RORA: variants seen among roughly 807,000 people sequenced by gnomAD.
The protein encoded by RORA is nuclear receptor ROR-alpha.
RORA carries 7 observed loss-of-function variants against 69.5 expected under a neutral mutation model. The observed-to-expected ratio is 0.10, with a 90% confidence interval of 0.06 to 0.19. RORA has a LOEUF of 0.19. Ranked by LOEUF, RORA falls within the 10% of genes least tolerant of loss-of-function variation. The pLI is 1.00. For synonymous variants in RORA, 261 were observed against 240.8 expected, an observed-to-expected ratio of 1.08 and a Z score of -0.78; for missense variants, 457 against 663.0, an observed-to-expected ratio of 0.69 and a Z score of 3.41.
intron 1 of RORA, among the ~76,000 whole-genome samples, chr15:60,973,015 A>G (rs1412711461): frequency 1.3e-5 from 2 of 151,738 alleles, no homozygotes; most frequent in African/African-American, 2.4e-5. Flanking sequence ...AAAACAATCA[A>G]TGAGGGGCAA....
intron 1 of RORA, among the ~76,000 whole-genome samples, chr15:61,022,858 G>A (rs1255738695): frequency 1.3e-5 from 2 of 152,038 alleles, no homozygotes; most frequent in Non-Finnish European, 2.9e-5. Context: ...GAGATGCAGG[G>A]AGGCAGCAGT....
At chr15:60,864,104 C>T (rs1261026623) in intron 1 of RORA, among the ~76,000 whole-genome samples, 1 of 152,174 alleles carries the variant, frequency 6.6e-6, no homozygotes, top group Non-Finnish European at 1.5e-5. Flanking sequence ...TGTGCCCAGC[C>T]CTCAGAATCA....
intron 1 of RORA, among the ~76,000 whole-genome samples, chr15:60,692,208 G>C (rs748586268): frequency 3.3e-5 from 5 of 152,086 alleles, no homozygotes; most frequent in Non-Finnish European, 5.9e-5. Context: ...AACTGTTTTT[G>C]CCAGATTTTT....
intron 1 of RORA, among the ~76,000 whole-genome samples, chr15:60,868,629 T>C (rs1436309388): frequency 6.6e-6 from 1 of 152,100 alleles, no homozygotes; most frequent in Non-Finnish European, 1.5e-5. Context: ...GCCTTTAGGC[T>C]TCCTTCCACC....
chr15:61,099,126 A>G (rs1191442483), intron 1 of RORA, among the ~76,000 whole-genome samples: 1 of 152,178 alleles, frequency 6.6e-6, no homozygotes, highest in Non-Finnish European at 1.5e-5. Context: ...ACGTATTGTC[A>G]ATTTTACAAA....
intron 1 of RORA, among the ~76,000 whole-genome samples, chr15:61,135,037 G>GTGGC: frequency 6.6e-6 from 1 of 151,556 alleles, no homozygotes; most frequent in East Asian, 1.9e-4. Flanking sequence ...AAAAATAGCA[G>GTGGC]TGGCTCATGC....
In RORA at chr15:60,938,026, G is replaced by A. The variant is rs1239579530; in HGVS notation, c.167-259340C>T. 4.6e-5 allele frequency among the ~76,000 whole-genome samples: 7 copies of A among 152,146 alleles called. 1 individual carries two copies. The South Asian group carries it at 6.2e-4, about 14-fold the overall frequency. ...AAGAGGAAGGAGAGACTCAGAGAAC[G>A]AAAATTAGCAGAAGTAGAATTTGAA... On this transcript the variant is annotated intron_variant, in intron 1 of 10. Coordinates refer to ENST00000335670, the MANE Select transcript of RORA (RefSeq NM_134261.3).
intron 1 of RORA, among the ~76,000 whole-genome samples, chr15:60,761,140 C>G (rs529213199): frequency 3.9e-5 from 6 of 152,080 alleles, no homozygotes; most frequent in Non-Finnish European, 8.8e-5. Flanking sequence ...AGACCAACTT[C>G]TGCAGATTCC....
At chr15:61,196,838 C>T (rs188827981) in intron 1 of RORA, among the ~76,000 whole-genome samples, 7 of 152,292 alleles carry the variant, frequency 4.6e-5, no homozygotes, top group South Asian at 2.1e-4. Flanking sequence ...GCGCATCAAA[C>T]GGAGGGCTGC....
intron 2 of RORA, among the ~76,000 whole-genome samples, chr15:60,675,968 A>C (rs935336381): frequency 1.3e-5 from 2 of 152,230 alleles, no homozygotes; most frequent in Non-Finnish European, 2.9e-5. Context: ...TATGTAGTCA[A>C]GTCTTGACTA....
chr15:61,058,365 T>C (rs1194340388), intron 1 of RORA, among the ~76,000 whole-genome samples: 1 of 152,104 alleles, frequency 6.6e-6, no homozygotes, highest in Non-Finnish European at 1.5e-5. Flanking sequence ...GCGGTGCCAG[T>C]TCAGGAGGAA....
chr15:61,065,775 C>T (rs904865287), intron 1 of RORA, among the ~76,000 whole-genome samples: 1 of 152,174 alleles, frequency 6.6e-6, no homozygotes, highest in Non-Finnish European at 1.5e-5. Flanking sequence ...TTTTAGAGCA[C>T]AAAAATTACC....
chr15:60,656,112 C>G lies in RORA; in HGVS notation c.196+22545G>C, dbSNP rs1004429586. Among the ~76,000 whole-genome samples the G allele has an allele frequency of 2.6e-5, 4 of 152,190 alleles. No homozygotes were observed. In the East Asian group the frequency reaches 7.7e-4, roughly 29 times the overall value. On this transcript the variant is annotated intron_variant, in intron 2 of 10. Coordinates refer to ENST00000335670, the MANE Select transcript of RORA (RefSeq NM_134261.3). ...GATAAAGACTGGAATAACTCTAGTT[C>G]CCCCAAGTCAACATCTGATTGGCCC...
rs1223560341 is a variant in RORA, at chr15:61,100,299, T to C, written c.166+128754A>G. Among the ~76,000 whole-genome samples, 8 of 152,014 alleles carry C rather than the reference T, an allele frequency of 5.3e-5. No homozygotes were observed. In the East Asian group the frequency reaches 1.5e-3, roughly 29 times the overall value. ...AGGTCCAGCTAATTTTTTGTATTTT[T>C]AGTAGAGATGGGGTTTTGCCATGTT... On this transcript the variant is annotated intron_variant, in intron 1 of 10. Transcript: ENST00000335670.
At chr15:60,938,178 T>C (rs1336106593) in intron 1 of RORA, among the ~76,000 whole-genome samples, 1 of 152,226 alleles carries the variant, frequency 6.6e-6, no homozygotes, top group Non-Finnish European at 1.5e-5. Context: ...AGTACAGATA[T>C]ACACATCGTA....
intron 2 of RORA, among the ~76,000 whole-genome samples, chr15:60,560,359 A>G (rs1317492614): frequency 6.6e-6 from 1 of 151,934 alleles, no homozygotes; most frequent in Non-Finnish European, 1.5e-5. Flanking sequence ...TTCATTAACA[A>G]AGGAACTGGG....
chr15:60,892,506 C>A lies in RORA; in HGVS notation c.167-213820G>T, dbSNP rs559298338. ...TCCTCCAAAAGTCCCCGCCTTTATG[C>A]TTTTTTTAAGTGAGCACTGTTGGTA... On this transcript the variant is annotated intron_variant, in intron 1 of 10. Transcript: ENST00000335670. 6.6e-5 allele frequency among the ~76,000 whole-genome samples: 10 copies of A among 152,192 alleles called. No individual in the cohort carries two copies. The South Asian group carries it at 1.2e-3, about 19-fold the overall frequency.
At chr15:60,583,537 G>A in intron 2 of RORA, among the ~76,000 whole-genome samples, 1 of 152,124 alleles carries the variant, frequency 6.6e-6, no homozygotes, top group Non-Finnish European at 1.5e-5. Flanking sequence ...CAGAGGCTGG[G>A]GCTTCTGGAC....
chr15:60,794,788 C>T (rs1419125666), intron 1 of RORA, among the ~76,000 whole-genome samples: 1 of 152,216 alleles, frequency 6.6e-6, no homozygotes, highest in African/African-American at 2.4e-5. Context: ...AAGCACCTGG[C>T]TTCCTTACTT....
Sources: allele counts gnomAD v4.1 joint callset (sites outside exome capture counted in the v4.1 genomes callset), GRCh38; gene constraint gnomAD v4.1.1; transcripts MANE v1.5; gene names NCBI Gene and HGNC (gene_info 2026-07-23, HGNC 2026-07-21).